The following NRXN3 variants were observed in gnomAD, a reference collection of about 807,000 sequenced individuals.
The protein encoded by NRXN3 is neurexin 3, also known as neurexin III.
Under a neutral mutation model 137.6 loss-of-function variants are expected in NRXN3, and 32 were observed. The observed-to-expected ratio is 0.23, with a 90% CI of 0.18 to 0.31. The LOEUF is 0.31. NRXN3 is among the 10% of genes least tolerant of loss of function. The probability of loss-of-function intolerance (pLI) is 1.00; values close to 1 mark genes in which losing one functional copy is unlikely to be tolerated. For synonymous variants in NRXN3, 798 were observed against 784.5 expected (o/e 1.02, Z -0.29); for missense variants, 1,574 against 2,062.5 (o/e 0.76, Z 4.59).
At chr14:79,526,150 C>A (rs1251839971) in intron 16 of NRXN3, among the ~76,000 whole-genome samples, 1 of 152,118 alleles carries the variant, frequency 6.6e-6, no homozygotes, top group African/African-American at 2.4e-5. Flanking sequence ...TGGGTTCAAG[C>A]AATTCTCCTG....
At chr14:79,095,281 T>C (rs2050091538) in intron 15 of NRXN3, among the ~76,000 whole-genome samples, 1 of 152,178 alleles carries the variant, frequency 6.6e-6, no homozygotes, top group African/African-American at 2.4e-5. Context: ...TAAATTATTA[T>C]TCTTATTTAG....
chr14:78,787,140 G>A (rs764695541), intron 8 of NRXN3, among the ~76,000 whole-genome samples: 27 of 152,238 alleles, frequency 1.8e-4, no homozygotes, highest in Non-Finnish European at 2.9e-4. Flanking sequence ...TTTGGTTCAC[G>A]TTGTATTTGT....
intron 19 of NRXN3, among the ~76,000 whole-genome samples, chr14:79,730,121 T>C (rs2154071036): frequency 6.6e-6 from 1 of 152,292 alleles, no homozygotes. Context: ...CAGATTTGTG[T>C]ATGCGGAGTT....
At chr14:79,519,305 T>C (rs2097032420) in intron 16 of NRXN3, among the ~76,000 whole-genome samples, 1 of 152,124 alleles carries the variant, frequency 6.6e-6, no homozygotes, top group South Asian at 2.1e-4. Flanking sequence ...TTTCTTCCTC[T>C]TTTTCATGAT....
At chr14:79,225,969 A>G (rs7145315) in intron 15 of NRXN3, among the ~76,000 whole-genome samples, 4,182 of 152,164 alleles carry the variant, frequency 0.027, 140 homozygotes, top group South Asian at 0.086. Context: ...TGATTAGATC[A>G]GGCCCACCCA....
chr14:78,472,978 T>C (rs901189581), intron 4 of NRXN3, among the ~76,000 whole-genome samples: 3 of 150,946 alleles, frequency 2.0e-5, no homozygotes, highest in Non-Finnish European at 3.0e-5. Context: ...TGCTCAGTGC[T>C]CCTTTCATCC....
chr14:79,749,134 A>T (rs185506171), intron 19 of NRXN3, among the ~76,000 whole-genome samples: 1 of 152,232 alleles, frequency 6.6e-6, no homozygotes, highest in Non-Finnish European at 1.5e-5. Flanking sequence ...TGTGTCAGCC[A>T]CCTGCCTGCT....
intron 4 of NRXN3, among the ~76,000 whole-genome samples, chr14:78,543,486 C>T (rs2096610982): frequency 1.3e-5 from 2 of 151,924 alleles, no homozygotes; most frequent in African/African-American, 4.8e-5. Flanking sequence ...CTTGGGGTCT[C>T]AGGTGAGCTG....
At chr14:78,688,154 A>G (rs992549106) in intron 6 of NRXN3, among the ~76,000 whole-genome samples, 1 of 152,192 alleles carries the variant, frequency 6.6e-6, no homozygotes, top group South Asian at 2.1e-4. Flanking sequence ...TGAATATGAC[A>G]CTTAAAGTAT....
chr14:79,608,034 T>C (rs80067187), intron 16 of NRXN3, among the ~76,000 whole-genome samples: 1 of 152,190 alleles, frequency 6.6e-6, no homozygotes, highest in African/African-American at 2.4e-5. Context: ...ATTTCCCTCA[T>C]GGAACCACTC....
intron 4 of NRXN3, among the ~76,000 whole-genome samples, chr14:78,324,996 T>C (rs1043384824): frequency 1.3e-5 from 2 of 151,746 alleles, no homozygotes; most frequent in Admixed American, 1.3e-4. Context: ...CGATGGCTTG[T>C]GGAAGGAAGC....
chr14:78,547,889 A>T (rs1282094029), intron 4 of NRXN3, among the ~76,000 whole-genome samples: 1 of 152,194 alleles, frequency 6.6e-6, no homozygotes, highest in Non-Finnish European at 1.5e-5. Flanking sequence ...CATTCATGTC[A>T]TTAAGGGCTG....
rs1384459426 is a variant in NRXN3 at position 78,928,539 on chromosome 14, G to T, written c.2276-28703G>T. Among the ~76,000 whole-genome samples, 9 of 152,084 alleles carry T rather than the reference G, an allele frequency of 5.9e-5. 1 individual carries two copies. Among genetic ancestry groups the T allele is most frequent in the Non-Finnish European group, 1.3e-4 (9 of 68,008 alleles). On this transcript the variant is annotated intron_variant, in intron 10 of 20. Transcript: ENST00000335750. Reference sequence around the variant, plus strand: ...TTGTTCAATTCCAACCTGTGAGTGAGAACATGCGGTGTTTGGTTTTTTGTC... The same window carrying T: ...TTGTTCAATTCCAACCTGTGAGTGATAACATGCGGTGTTTGGTTTTTTGTC...
intron 8 of NRXN3, among the ~76,000 whole-genome samples, chr14:78,773,853 G>A (rs2098736505): frequency 6.6e-6 from 1 of 152,116 alleles, no homozygotes; most frequent in Non-Finnish European, 1.5e-5. Context: ...CCAGGTTGGA[G>A]TGCAGTGGCG....
chr14:79,772,503 C>G (rs1398812763), intron 19 of NRXN3, among the ~76,000 whole-genome samples: 2 of 152,058 alleles, frequency 1.3e-5, no homozygotes, highest in Admixed American at 6.6e-5. Flanking sequence ...CTTTGACAAA[C>G]CTGAGAAAAA....
rs764748618 is a variant in NRXN3, at chr14:78,966,110, C to T, written c.2481C>T (p.Val827=). The T allele has an allele frequency of 3.7e-6, 6 of 1,614,032 alleles. No individual in the cohort carries two copies. The highest frequency in any genetic ancestry group is 1.7e-5 in the Admixed American group (1 of 60,012). Residue 827 remains valine (V), a synonymous_variant, in exon 12 of 21, where the codon GTC becomes GTT. Transcript: ENST00000335750. ...CTGAGAAACGCTACATCTCCGTTGT[C>T]CCCTCCAGCTTTATTGGCCATCTGC... ...IMTEKRYISV[V]PSSFIGHLQS... is the part of the protein sequence containing the mutation.
intron 8 of NRXN3, among the ~76,000 whole-genome samples, chr14:78,786,507 T>G (rs2153041377): frequency 6.6e-6 from 1 of 152,298 alleles, no homozygotes; most frequent in East Asian, 1.9e-4. Flanking sequence ...AGATTTCTCT[T>G]TATTAATTCT....
At chr14:79,726,215 A>C (rs576677608) in intron 19 of NRXN3, among the ~76,000 whole-genome samples, 31 of 152,324 alleles carry the variant, frequency 2.0e-4, no homozygotes, top group African/African-American at 7.0e-4. Context: ...TGTGACTTAG[A>C]GAATTAAATG....
At chr14:78,949,012 G>A (rs2099379204) in intron 10 of NRXN3, among the ~76,000 whole-genome samples, 1 of 152,134 alleles carries the variant, frequency 6.6e-6, no homozygotes. Context: ...TCAGCTGCAT[G>A]CTACAAAACT....
Sources: gnomAD v4.1 joint callset for allele counts (sites outside exome capture counted in the v4.1 genomes callset) on GRCh38, gnomAD v4.1.1 for gene constraint, MANE v1.5 for transcripts, NCBI Gene and HGNC (gene_info 2026-07-23, HGNC 2026-07-21) for gene names.